Variants in SLCO1A2 observed in about 807,000 individuals in gnomAD.
SLCO1A2 encodes the protein OATP-1.
SLCO1A2 carries 67 observed loss-of-function variants against 69.0 expected under a neutral mutation model. That is an observed-to-expected ratio of 0.97 (90% CI 0.80 to 1.19). The LOEUF (loss-of-function observed/expected upper bound fraction) is 1.19, where lower values mean the gene tolerates loss of function less well. SLCO1A2 is among the 50% of genes most tolerant of loss of function. The pLI is 0.00. For missense variants in SLCO1A2, 787 were observed against 793.7 expected, an observed-to-expected ratio of 0.99 and a Z score of 0.10; for synonymous variants, 260 against 265.9, an observed-to-expected ratio of 0.98 and a Z score of 0.22.
Position 21,306,992 on chromosome 12 carries a change from T to C in SLCO1A2, c.336-4A>G. ...AACTGTAGATTCATATTCATATCTG[T>C]ATAAACACAGGGAAAATGAGTTTAT... On this transcript the variant is annotated splice_polypyrimidine_tract_variant and splice_region_variant and intron_variant, in intron 4 of 14. Transcript: ENST00000683939. 1.9e-6 allele frequency: 3 copies of C among 1,586,802 alleles called. No homozygotes were observed. Among genetic ancestry groups the C allele is most frequent in the Non-Finnish European group, 2.6e-6 (3 of 1,155,438 alleles).
At chr12:21,403,024 C>T (rs148754555) in intron 1 of SLCO1A2, among the ~76,000 whole-genome samples, 31 of 152,086 alleles carry the variant, frequency 2.0e-4, no homozygotes, top group African/African-American at 5.8e-4. Flanking sequence ...GTGAAGAACA[C>T]GGGGCTTGAT....
chr12:21,315,853 A>G (rs1950803289), intron 3 of SLCO1A2, among the ~76,000 whole-genome samples: 1 of 152,228 alleles, frequency 6.6e-6, no homozygotes, highest in African/African-American at 2.4e-5. Context: ...TCTTCACGTA[A>G]GAGTGAGTTC....
intron 14 of SLCO1A2, among the ~76,000 whole-genome samples, chr12:21,271,911 T>TA (rs1017720136): frequency 3.3e-4 from 50 of 150,478 alleles, no homozygotes; most frequent in South Asian, 2.1e-3. Context: ...TTTAAAGCTC[T>TA]AAAAATCCCT....
intron 3 of SLCO1A2, among the ~76,000 whole-genome samples, chr12:21,316,722 T>C (rs1950912436): frequency 6.6e-6 from 1 of 152,158 alleles, no homozygotes; most frequent in South Asian, 2.1e-4. Flanking sequence ...ATTGTAATTA[T>C]CACCCTATAT....
chr12:21,397,075 G>A (rs540943514), upstream of SLCO1A2, among the ~76,000 whole-genome samples: 6 of 152,066 alleles, frequency 3.9e-5, no homozygotes, highest in South Asian at 6.2e-4. Flanking sequence ...GACACAGACT[G>A]GCAAATTGGA....
intron 8 of SLCO1A2, 47 bp downstream of exon 8, chr12:21,300,301 A>G (rs1438357412): frequency 3.7e-6 from 5 of 1,345,536 alleles, no homozygotes; most frequent in Admixed American, 3.9e-5. Context: ...ACATATCTAT[A>G]TGAAATAAAA....
intron 4 of SLCO1A2, among the ~76,000 whole-genome samples, chr12:21,312,062 A>G (rs1950277169): frequency 2.3e-5 from 3 of 132,264 alleles, no homozygotes; most frequent in Admixed American, 1.4e-4. Context: ...GAGGAGAAGA[A>G]GAAGAGGAAG....
intron 12 of SLCO1A2, among the ~76,000 whole-genome samples, chr12:21,289,621 G>A (rs1461554811): frequency 6.6e-6 from 1 of 152,082 alleles, no homozygotes; most frequent in Admixed American, 6.6e-5. Flanking sequence ...GTTTCCATTT[G>A]TGTCTTTTAT....
intron 12 of SLCO1A2, among the ~76,000 whole-genome samples, chr12:21,286,868 A>G (rs1247834802): frequency 6.6e-6 from 1 of 151,344 alleles, no homozygotes; most frequent in Non-Finnish European, 1.5e-5. Flanking sequence ...TTCAAGATGG[A>G]TTAAAGATTT....
intron 12 of SLCO1A2, among the ~76,000 whole-genome samples, chr12:21,290,475 T>C (rs1417254222): frequency 6.6e-6 from 1 of 152,120 alleles, no homozygotes; most frequent in Non-Finnish European, 1.5e-5. Flanking sequence ...CAAATAAATC[T>C]GTGGAGCAGA....
At chr12:21,275,494 G>T in intron 12 of SLCO1A2, 70 bp from the exon 13 acceptor site, 1 of 1,295,696 alleles carries the variant, frequency 7.7e-7, no homozygotes, top group Non-Finnish European at 1.0e-6. Context: ...TCTTGAAAAG[G>T]CCAGTTGTAA....
rs577475837 is a variant in SLCO1A2, at chr12:21,275,235, G to A, written c.1675+125C>T. 1.5e-3 allele frequency: 1,318 copies of A among 900,064 alleles called. 12 individuals are homozygous for A. The African/African-American group carries it at 0.019, about 13-fold the overall frequency. The allele number at this position is 900,064 out of a possible 1,614,324, so 55.8% of individuals were successfully genotyped here. A position where few individuals can be genotyped will look rare whatever the true frequency, so the allele number is the denominator to read the frequency against. ...TTAATGGGTGCAGCACACCAACATGGCACATGTATACATATGTAACAAACC... is the reference window on the plus strand; with the variant it reads ...TTAATGGGTGCAGCACACCAACATGACACATGTATACATATGTAACAAACC... On this transcript the variant is annotated intron_variant, in intron 13 of 14. Transcript: ENST00000683939.
intron 2 of SLCO1A2, among the ~76,000 whole-genome samples, chr12:21,346,161 C>A (rs544766227): frequency 2.0e-5 from 3 of 151,920 alleles, no homozygotes; most frequent in East Asian, 3.9e-4. Context: ...AAGAAAAAAA[C>A]CATACTCATT....
intron 1 of SLCO1A2, among the ~76,000 whole-genome samples, chr12:21,390,409 T>C (rs535875040): frequency 6.6e-6 from 1 of 152,240 alleles, no homozygotes; most frequent in East Asian, 1.9e-4. Flanking sequence ...CTTTTAAAAA[T>C]CTGAAATACA....
intron 12 of SLCO1A2, among the ~76,000 whole-genome samples, chr12:21,289,813 AG>A (rs1946553641): frequency 6.6e-6 from 1 of 151,922 alleles, no homozygotes; most frequent in South Asian, 2.1e-4. Flanking sequence ...TGACATCTAA[AG>A]TGGGGGCAGT....
At chr12:21,394,766 T>A (rs1352064757) in intron 1 of SLCO1A2, 1 of 151,896 alleles carries the variant, frequency 6.6e-6, no homozygotes, top group Admixed American at 6.6e-5. Context: ...TGTATAACAG[T>A]TTTTTTCTTC....
At chr12:21,357,837 G>GT (rs1302157106) in intron 2 of SLCO1A2, among the ~76,000 whole-genome samples, 2 of 152,142 alleles carry the variant, frequency 1.3e-5, no homozygotes, top group Non-Finnish European at 2.9e-5. Flanking sequence ...TATGAAAACA[G>GT]TATTAGAAAA....
In SLCO1A2 at chr12:21,334,618, G is replaced by C; in HGVS notation, c.30C>G (p.Thr10=). Residue 10 remains threonine, a synonymous_variant, in exon 2 of 15, where the codon ACC becomes ACG. Transcript: ENST00000683939. MGETEKRIE[T]HRIRCLSKLK... ...ACTTGGAAAGACATCTTATTCTATG[G>C]GTTTCAATTCTTTTCTCAGTTTCTC... The C allele has an allele frequency of 6.2e-7, 1 of 1,609,898 alleles. No individual in the cohort carries two copies. Among genetic ancestry groups the C allele is most frequent in the Middle Eastern group, 1.7e-4 (1 of 6,028 alleles).
chr12:21,419,076 G>A (rs1479119665), upstream of SLCO1A2: 2 of 152,064 alleles, frequency 1.3e-5, no homozygotes, highest in Non-Finnish European at 2.9e-5. Context: ...ATTAAACATA[G>A]GAAGACTCTG....
Sources: gnomAD v4.1 joint callset for allele counts (sites outside exome capture counted in the v4.1 genomes callset) on GRCh38, gnomAD v4.1.1 for gene constraint, MANE v1.5 for transcripts, NCBI Gene and HGNC (gene_info 2026-07-23, HGNC 2026-07-21) for gene names.